Variants in TCERG1L observed in about 807,000 individuals in gnomAD.
TCERG1L encodes transcription elongation regulator 1 like.
Under a neutral mutation model 56.3 loss-of-function variants are expected in TCERG1L, and 37 were observed. The observed-to-expected ratio is 0.66, with a 90% CI of 0.51 to 0.87. The LOEUF is 0.87. Ranked by LOEUF, TCERG1L falls within the 40% of genes least tolerant of loss-of-function variation. The pLI, the probability that TCERG1L is intolerant of heterozygous loss-of-function variation, is 0.00. For synonymous variants in TCERG1L, 324 were observed against 326.3 expected, an observed-to-expected ratio of 0.99 and a Z score of 0.08; for missense variants, 799 against 774.2, an observed-to-expected ratio of 1.03 and a Z score of -0.38.
intron 4 of TCERG1L, among the ~76,000 whole-genome samples, chr10:131,252,254 C>T (rs1343208372): frequency 6.6e-6 from 1 of 152,180 alleles, no homozygotes; most frequent in Non-Finnish European, 1.5e-5. Flanking sequence ...ACCCTGATTT[C>T]AATGGGTGAG....
intron 3 of TCERG1L, among the ~76,000 whole-genome samples, chr10:131,305,051 C>G (rs937013378): frequency 6.6e-6 from 1 of 152,096 alleles, no homozygotes; most frequent in East Asian, 1.9e-4. Context: ...GGAATTCATT[C>G]GACTCTTCCT....
intron 4 of TCERG1L, among the ~76,000 whole-genome samples, chr10:131,255,168 G>A (rs1038134580): frequency 1.3e-5 from 2 of 152,180 alleles, no homozygotes; most frequent in African/African-American, 4.8e-5. Flanking sequence ...TGACCTTTCA[G>A]GTGGCAGGAA....
intron 6 of TCERG1L, among the ~76,000 whole-genome samples, chr10:131,154,226 G>A (rs573435713): frequency 6.6e-6 from 1 of 152,100 alleles, no homozygotes; most frequent in Non-Finnish European, 1.5e-5. Flanking sequence ...CCAAGCAGCC[G>A]CAATATAGGA....
At chr10:131,188,973 C>T (rs935613172) in intron 4 of TCERG1L, among the ~76,000 whole-genome samples, 1 of 152,074 alleles carries the variant, frequency 6.6e-6, no homozygotes, top group Admixed American at 6.5e-5. Flanking sequence ...TATATACTTT[C>T]TTTGCACCTT....
At chr10:131,294,718 T>G (rs922080478) in intron 3 of TCERG1L, among the ~76,000 whole-genome samples, 3 of 152,212 alleles carry the variant, frequency 2.0e-5, no homozygotes, top group African/African-American at 7.2e-5. Context: ...TAACAGTAAT[T>G]ACTTAAAAAT....
At chr10:131,106,014 C>A (rs1845348778) in intron 9 of TCERG1L, among the ~76,000 whole-genome samples, 2 of 152,200 alleles carry the variant, frequency 1.3e-5, no homozygotes, top group Admixed American at 1.3e-4. Context: ...TTGAATCAGT[C>A]AATTCTCCAA....
Position 131,112,121 on chromosome 10 carries a change from G to A in TCERG1L, c.1395+4678C>T, listed in dbSNP as rs1410196084. 2.0e-4 allele frequency among the ~76,000 whole-genome samples: 28 copies of A among 143,058 alleles called. 7 individuals are homozygous for A. 93.9% of individuals were successfully genotyped at this position (143,058 alleles called of 152,430 possible). A position where few individuals can be genotyped will look rare whatever the true frequency, so the allele number is the denominator to read the frequency against. ...CCCCTGAGAGTGGGGGAATGGGCCC[G>A]GCCACACGGCACTCCCAGTGGCCAC... On this transcript the variant is annotated intron_variant, in intron 9 of 11. Transcript: ENST00000368642.
chr10:131,301,684 T>C (rs1846763002), intron 3 of TCERG1L, among the ~76,000 whole-genome samples: 1 of 150,980 alleles, frequency 6.6e-6, no homozygotes, highest in African/African-American at 2.4e-5. Context: ...TGATAAGTGC[T>C]TGAGAAAATA....
chr10:131,237,224 C>G (rs1353053200), intron 4 of TCERG1L, among the ~76,000 whole-genome samples: 1 of 152,144 alleles, frequency 6.6e-6, no homozygotes. Flanking sequence ...AAGCTTTGCC[C>G]AGAAGGTCAT....
intron 8 of TCERG1L, among the ~76,000 whole-genome samples, chr10:131,129,216 A>AC (rs1374205151): frequency 6.6e-6 from 1 of 152,142 alleles, no homozygotes; most frequent in Admixed American, 6.5e-5. Flanking sequence ...AGGAAAAAAA[A>AC]AAGAAAACAG....
At chr10:131,125,077 T>C (rs927452346) in intron 8 of TCERG1L, among the ~76,000 whole-genome samples, 1 of 152,210 alleles carries the variant, frequency 6.6e-6, no homozygotes, top group African/African-American at 2.4e-5. Context: ...TTTAACACAA[T>C]GGCTGGTCTA....
chr10:131,281,299 C>G (rs1434665191), intron 3 of TCERG1L, among the ~76,000 whole-genome samples: 1 of 152,198 alleles, frequency 6.6e-6, no homozygotes, highest in African/African-American at 2.4e-5. Flanking sequence ...CCTGCACGCC[C>G]TGTGCTGCCC....
intron 4 of TCERG1L, among the ~76,000 whole-genome samples, chr10:131,195,871 A>T (rs1304702644): frequency 6.6e-6 from 1 of 152,182 alleles, no homozygotes; most frequent in Non-Finnish European, 1.5e-5. Flanking sequence ...CTCCATCCAC[A>T]CAAGGCGAGG....
At chr10:131,254,302 AAT>A (rs57689050) in intron 4 of TCERG1L, among the ~76,000 whole-genome samples, 192 of 142,752 alleles carry the variant, frequency 1.3e-3, no homozygotes, top group East Asian at 9.4e-3. Context: ...ACTGGATTTA[AAT>A]ATATATATAT....
chr10:131,281,909 G>T (rs529327490), intron 3 of TCERG1L, among the ~76,000 whole-genome samples: 11 of 152,078 alleles, frequency 7.2e-5, no homozygotes, highest in African/African-American at 2.7e-4. Context: ...GGCCGAGGCT[G>T]GCGGATCACG....
At chr10:131,130,266 G>C (rs184362264) in intron 8 of TCERG1L, among the ~76,000 whole-genome samples, 85 of 152,212 alleles carry the variant, frequency 5.6e-4, no homozygotes, top group African/African-American at 1.9e-3. Context: ...CATGAGAACA[G>C]GCAGGGAAAG....
chr10:131,284,805 AG>A (rs1316588843), intron 3 of TCERG1L, among the ~76,000 whole-genome samples: 35 of 152,116 alleles, frequency 2.3e-4, no homozygotes, highest in Admixed American at 2.0e-3. Context: ...AAATTCTAGA[AG>A]AAAAATATAG....
chr10:131,147,641 C>T (rs1157993229), intron 6 of TCERG1L, among the ~76,000 whole-genome samples: 1 of 152,264 alleles, frequency 6.6e-6, no homozygotes, highest in Non-Finnish European at 1.5e-5. Flanking sequence ...CCTCGGCTTC[C>T]TGCAGTGACT....
intron 3 of TCERG1L, among the ~76,000 whole-genome samples, chr10:131,305,883 T>G (rs1846814223): frequency 6.6e-6 from 1 of 151,994 alleles, no homozygotes; most frequent in Non-Finnish European, 1.5e-5. Context: ...ATGTAGTACA[T>G]GCATATATTT....
Sources: allele counts gnomAD v4.1 joint callset (sites outside exome capture counted in the v4.1 genomes callset), GRCh38; gene constraint gnomAD v4.1.1; transcripts MANE v1.5; gene names NCBI Gene and HGNC (gene_info 2026-07-23, HGNC 2026-07-21).